The following PDXDC1 variants were observed in gnomAD, a reference collection of about 807,000 sequenced individuals.
PDXDC1 encodes the protein pyridoxal dependent decarboxylase domain containing 1.
Under a neutral mutation model 100.1 loss-of-function variants are expected in PDXDC1, and 42 were observed. That is an observed-to-expected ratio of 0.42 (90% CI 0.33 to 0.54). The LOEUF is 0.54. Among genes scored for constraint, PDXDC1 ranks in the 20% least tolerant of loss-of-function variants. The probability of loss-of-function intolerance (pLI) is 0.10; values close to 1 mark genes in which losing one functional copy is unlikely to be tolerated. For synonymous variants in PDXDC1, 260 were observed against 371.7 expected (o/e 0.70, Z 3.46); for missense variants, 636 against 979.2 (o/e 0.65, Z 4.68).
downstream of PDXDC1, chr16:15,038,519 G>T: frequency 9.9e-7 from 1 of 1,012,822 alleles, no homozygotes; most frequent in Non-Finnish European, 1.5e-6. Context: ...TTTTCTTACA[G>T]ATGGGGAAAC....
In PDXDC1 at chr16:15,037,825, A is replaced by T; in HGVS notation, c.*1550A>T. On this transcript the variant is annotated 3_prime_UTR_variant, in exon 23 of 23. Coordinates refer to ENST00000396410, the MANE Select transcript of PDXDC1 (RefSeq NM_015027.4). ...AAAAAAAACTGGACATCAATTTTTT[A>T]GTAAACCAAAAAATAAGTCTCAACA... The T allele has an allele frequency of 2.1e-6, 1 of 468,528 alleles. No homozygotes were observed. Among genetic ancestry groups the T allele is most frequent in the East Asian group, 3.3e-5 (1 of 29,968 alleles). 29.0% of individuals were successfully genotyped at this position (468,528 alleles called of 1,614,324 possible). A position where few individuals can be genotyped will look rare whatever the true frequency, so the allele number is the denominator to read the frequency against.
intron 13 of PDXDC1, among the ~76,000 whole-genome samples, chr16:15,023,829 C>G (rs1297053276): frequency 6.6e-6 from 1 of 152,278 alleles, no homozygotes; most frequent in African/African-American, 2.4e-5. Flanking sequence ...GAGGCCTGGG[C>G]TCTGCTCTGA....
chr16:14,981,978 A>C (rs1968097378), intron 1 of PDXDC1, among the ~76,000 whole-genome samples: 2 of 152,298 alleles, frequency 1.3e-5, no homozygotes, highest in South Asian at 4.1e-4. Flanking sequence ...ACAGGCGCCC[A>C]CCACCGCGCC....
intron 16 of PDXDC1, among the ~76,000 whole-genome samples, chr16:15,095,429 C>A (rs568200806): frequency 1.8e-4 from 27 of 152,246 alleles, no homozygotes; most frequent in African/African-American, 6.5e-4. Flanking sequence ...GGTGTGGTGG[C>A]ACACACCTGT....
intron 16 of PDXDC1, chr16:15,135,936 C>A: frequency 7.6e-6 from 12 of 1,578,664 alleles, no homozygotes; most frequent in Non-Finnish European, 1.0e-5. Context: ...CGGCTCACGT[C>A]CACGCCGGGC....
intron 5 of PDXDC1, among the ~76,000 whole-genome samples, chr16:15,005,166 G>A (rs1009822249): frequency 6.6e-6 from 1 of 152,248 alleles, no homozygotes; most frequent in Non-Finnish European, 1.5e-5. Flanking sequence ...AGACCATTCT[G>A]GCTAACATGG....
chr16:15,003,418 A>G lies in PDXDC1; in HGVS notation c.243-769A>G, dbSNP rs551603021. Among the ~76,000 whole-genome samples, 37 of 152,238 alleles carry G rather than the reference A, an allele frequency of 2.4e-4. No homozygotes were observed. In the South Asian group the frequency reaches 3.3e-3, roughly 14 times the overall value. On this transcript the variant is annotated intron_variant, in intron 4 of 22. Transcript: ENST00000396410. Reference sequence around the variant, plus strand: ...TTTTTAGTAGAGATGGGGTTTCACCATGTTAGCCAGGATGGTCTCAATCTC... The same window carrying G: ...TTTTTAGTAGAGATGGGGTTTCACCGTGTTAGCCAGGATGGTCTCAATCTC...
chr16:15,148,277 G>A, the PDXDC1 span, among the ~76,000 whole-genome samples: 3 of 149,590 alleles, frequency 2.0e-5, no homozygotes, highest in African/African-American at 7.4e-5. Flanking sequence ...TTTGATTTCC[G>A]TTTCCCTCAT....
At chr16:15,044,996 T>C (rs12920234) in intron 16 of PDXDC1, 47,698 of 152,274 alleles carry the variant, frequency 0.31, 7,951 homozygotes, top group Admixed American at 0.45. Context: ...TTATGGCATG[T>C]GCCTGTAGTC....
At chr16:15,057,451 A>G (rs971109473) in intron 16 of PDXDC1, among the ~76,000 whole-genome samples, 3 of 152,348 alleles carry the variant, frequency 2.0e-5, no homozygotes, top group African/African-American at 7.2e-5. Flanking sequence ...AGTGGTAGAA[A>G]TAAGTAGTAG....
the PDXDC1 span, among the ~76,000 whole-genome samples, chr16:15,145,084 C>T: frequency 6.6e-6 from 1 of 152,270 alleles, no homozygotes; most frequent in East Asian, 1.9e-4. Context: ...CTCAAGAGGC[C>T]CTCCTCCTCC....
At chr16:15,140,658 C>T (rs971077270), downstream of PDXDC1, among the ~76,000 whole-genome samples, 6 of 152,016 alleles carry the variant, frequency 3.9e-5, no homozygotes, top group Admixed American at 6.5e-5. Context: ...TCAGAGCTGC[C>T]CGAGTTACAA....
At chr16:15,089,601 C>CAGGAT (rs1459348486) in intron 16 of PDXDC1, among the ~76,000 whole-genome samples, 2 of 150,380 alleles carry the variant, frequency 1.3e-5, no homozygotes, top group African/African-American at 4.9e-5. Context: ...AAGATCGAGA[C>CAGGAT]CATCCTGGCT....
intron 16 of PDXDC1, among the ~76,000 whole-genome samples, chr16:15,126,289 C>A (rs796175772): frequency 4.6e-5 from 6 of 130,728 alleles, no homozygotes; most frequent in African/African-American, 1.4e-4. Context: ...TGCCCGCCTC[C>A]GCCTCCCAAA....
At chr16:15,087,903 T>C (rs559251023) in intron 16 of PDXDC1, among the ~76,000 whole-genome samples, 5 of 151,722 alleles carry the variant, frequency 3.3e-5, no homozygotes, top group African/African-American at 1.2e-4. Context: ...TCACCTGAGG[T>C]TGGGAGTTCG....
chr16:15,003,811 C>T (rs1279612493), intron 4 of PDXDC1, among the ~76,000 whole-genome samples: 1 of 152,276 alleles, frequency 6.6e-6, no homozygotes, highest in Non-Finnish European at 1.5e-5. Context: ...GGTGAAACCC[C>T]GTCTCTACTA....
At chr16:15,001,133 T>C (rs1973055488) in intron 3 of PDXDC1, among the ~76,000 whole-genome samples, 1 of 152,254 alleles carries the variant, frequency 6.6e-6, no homozygotes, top group South Asian at 2.1e-4. Flanking sequence ...GGCAGGAGGA[T>C]TGCTTGAGCT....
At position 15,020,297 on chromosome 16, in the gene PDXDC1, G is replaced by A. The variant is rs1241243200; in HGVS notation, c.1089+1332G>A. Among the ~76,000 whole-genome samples the A allele has an allele frequency of 2.6e-5, 4 of 152,274 alleles. No homozygotes were observed. The East Asian group carries it at 7.7e-4, about 29-fold the overall frequency. On this transcript the variant is annotated intron_variant, in intron 12 of 22. Coordinates refer to ENST00000396410, the MANE Select transcript of PDXDC1 (RefSeq NM_015027.4). ...GAATACAGGTAGAGCTCTTGCAGTA[G>A]TGTCTGTTCATATAGTAAGTTATGC...
chr16:15,093,345 T>C (rs1490609056), intron 16 of PDXDC1, among the ~76,000 whole-genome samples: 3 of 152,190 alleles, frequency 2.0e-5, no homozygotes, highest in African/African-American at 7.2e-5. Flanking sequence ...AAATGACAGA[T>C]GTCTTCCCAA....
Sources: gnomAD v4.1 joint callset for allele counts (sites outside exome capture counted in the v4.1 genomes callset) on GRCh38, gnomAD v4.1.1 for gene constraint, MANE v1.5 for transcripts, NCBI Gene and HGNC (gene_info 2026-07-23, HGNC 2026-07-21) for gene names.